NDC1: variants seen among roughly 807,000 people sequenced by gnomAD.
NDC1 encodes NDC1 transmembrane nucleoporin, also known as nucleoporin NDC1.
In NDC1, 24 loss-of-function variants were observed where a neutral mutation model predicts 89.8. The ratio of observed to expected loss-of-function variants is 0.27; its 90% confidence interval spans 0.19 to 0.38. The LOEUF (loss-of-function observed/expected upper bound fraction) is 0.38, where lower values mean the gene tolerates loss of function less well. Among genes scored for constraint, NDC1 ranks in the 10% least tolerant of loss-of-function variants. The pLI is 1.00. For missense variants in NDC1, 728 were observed against 797.6 expected (o/e 0.91, Z 1.05); for synonymous variants, 296 against 284.8 (o/e 1.04, Z -0.39).
At chr1:53,792,136 G>A (rs984174101) in intron 14 of NDC1, among the ~76,000 whole-genome samples, 11 of 152,018 alleles carry the variant, frequency 7.2e-5, no homozygotes, top group African/African-American at 2.4e-4. Flanking sequence ...TAGAGACAGG[G>A]TTTCACCGTG....
intron 14 of NDC1, among the ~76,000 whole-genome samples, chr1:53,792,488 A>G (rs1647553318): frequency 6.6e-6 from 1 of 152,248 alleles, no homozygotes; most frequent in Non-Finnish European, 1.5e-5. Context: ...CCACCAGAGT[A>G]TGACTCCGAA....
At chr1:53,804,444 T>C (rs886924394) in intron 9 of NDC1, among the ~76,000 whole-genome samples, 1 of 152,168 alleles carries the variant, frequency 6.6e-6, no homozygotes, top group Non-Finnish European at 1.5e-5. Flanking sequence ...TGCTACCATA[T>C]CCAAAGGCAG....
chr1:53,800,311 C>G (rs1047585533), intron 11 of NDC1, among the ~76,000 whole-genome samples: 1 of 149,938 alleles, frequency 6.7e-6, no homozygotes, highest in Non-Finnish European at 1.5e-5. Flanking sequence ...ATATAAGTAT[C>G]CTTCAATTAA....
At chr1:53,785,801 C>T (rs984729036) in intron 16 of NDC1, among the ~76,000 whole-genome samples, 1 of 152,132 alleles carries the variant, frequency 6.6e-6, no homozygotes, top group South Asian at 2.1e-4. Flanking sequence ...CTCTTCATAT[C>T]TTAAATGGTT....
chr1:53,767,863 G>T lies in NDC1; in HGVS notation c.*107C>A. The T allele has an allele frequency of 1.9e-6, 1 of 536,960 alleles. No homozygotes were observed. The highest frequency in any genetic ancestry group is 3.2e-6 in the Non-Finnish European group (1 of 313,952). 33.3% of individuals were successfully genotyped at this position (536,960 alleles called of 1,614,324 possible). A position where few individuals can be genotyped will look rare whatever the true frequency, so the allele number is the denominator to read the frequency against. On this transcript the variant is annotated 3_prime_UTR_variant, in exon 18 of 18. Coordinates refer to ENST00000371429, the MANE Select transcript of NDC1 (RefSeq NM_018087.5). ...TTTTCAAAGCAACCACCACGACAAAGGAAGCATCTAATTAGTCCGTTTTCT... is the reference window on the plus strand; with the variant it reads ...TTTTCAAAGCAACCACCACGACAAATGAAGCATCTAATTAGTCCGTTTTCT...
chr1:53,826,070 T>C (rs1329341271), intron 4 of NDC1, 134 bp from the exon 5 acceptor site: 15 of 823,004 alleles, frequency 1.8e-5, no homozygotes, highest in Non-Finnish European at 2.7e-5. Context: ...ACAAGATGGC[T>C]CGTTTTCAGT....
In NDC1 at chr1:53,796,747, C is replaced by A; in HGVS notation, c.1526G>T (p.Gly509Val). 1 of 1,611,876 alleles carries A rather than the reference C, an allele frequency of 6.2e-7. No individual in the cohort carries two copies. Among genetic ancestry groups the A allele is most frequent in the Non-Finnish European group, 8.5e-7 (1 of 1,179,352 alleles). ...PSPSTSISAE[G>V]KTMRQPSVIY... is the part of the protein sequence containing the mutation. ...CACACTGGGTTGTCTCATTGTCTTACCCTCAGCACTAATAGAGGTAGATGG... is the reference window on the plus strand; with the variant it reads ...CACACTGGGTTGTCTCATTGTCTTAACCTCAGCACTAATAGAGGTAGATGG... The change falls in exon 13 of 18, where the codon GGT (glycine) becomes GTT (valine). Residue 509 changes from glycine to valine, a missense_variant. Gly to Val is a moderately radical substitution (Grantham distance 109). Transcript: ENST00000371429.
At chr1:53,815,708 G>T (rs1648453854) in intron 6 of NDC1, among the ~76,000 whole-genome samples, 1 of 152,012 alleles carries the variant, frequency 6.6e-6, no homozygotes, top group Non-Finnish European at 1.5e-5. Context: ...AAACCCTAAG[G>T]GCTCCTCCAG....
intron 14 of NDC1, among the ~76,000 whole-genome samples, chr1:53,791,121 T>C (rs1647484006): frequency 1.3e-5 from 2 of 152,218 alleles, no homozygotes; most frequent in African/African-American, 2.4e-5. Context: ...TATACGTAAG[T>C]AAGAACGTGC....
At chr1:53,835,008 G>A (rs1649183980) in intron 2 of NDC1, among the ~76,000 whole-genome samples, 1 of 139,330 alleles carries the variant, frequency 7.2e-6, no homozygotes, top group Non-Finnish European at 1.5e-5. Context: ...GCTTGAAGAT[G>A]GGAAGCAGAG....
At chr1:53,803,343 AG>A (rs1274818763) in intron 10 of NDC1, among the ~76,000 whole-genome samples, 1 of 152,202 alleles carries the variant, frequency 6.6e-6, no homozygotes, top group Non-Finnish European at 1.5e-5. Context: ...CTAGGATTAC[AG>A]GGGTGAGCCA....
intron 6 of NDC1, among the ~76,000 whole-genome samples, chr1:53,811,168 G>T (rs887152897): frequency 1.3e-5 from 2 of 152,330 alleles, no homozygotes; most frequent in East Asian, 3.9e-4. Context: ...GCACCACAGG[G>T]ATCCATCAGA....
intron 6 of NDC1, among the ~76,000 whole-genome samples, chr1:53,810,182 G>A (rs1023666299): frequency 6.6e-6 from 1 of 152,168 alleles, no homozygotes; most frequent in Non-Finnish European, 1.5e-5. Flanking sequence ...TACAGACACA[G>A]ACAGCAAAGC....
intron 16 of NDC1, among the ~76,000 whole-genome samples, chr1:53,773,916 A>G (rs960825069): frequency 1.3e-5 from 2 of 152,156 alleles, no homozygotes; most frequent in African/African-American, 4.8e-5. Context: ...CTAGGGATCT[A>G]ACTAATTTTC....
Position 53,828,356 on chromosome 1 carries a change from C to T in NDC1, c.281-183G>A, listed in dbSNP as rs977488857. On this transcript the variant is annotated intron_variant, in intron 3 of 17. Coordinates refer to ENST00000371429, the MANE Select transcript of NDC1 (RefSeq NM_018087.5). ...CTAAGTTAAAAAAATTTGAGGAAAGCATGAATAAACAGACACAAAAAAACC... is the reference window on the plus strand; with the variant it reads ...CTAAGTTAAAAAAATTTGAGGAAAGTATGAATAAACAGACACAAAAAAACC... Among the ~76,000 whole-genome samples, 9 of 152,102 alleles carry T rather than the reference C, an allele frequency of 5.9e-5. 1 individual carries two copies. The highest frequency in any genetic ancestry group is 1.9e-4 in the African/African-American group (8 of 41,492).
Position 53,814,541 on chromosome 1 carries a change from T to C in NDC1, c.703+4430A>G, listed in dbSNP as rs191845995. Among the ~76,000 whole-genome samples the C allele has an allele frequency of 4.6e-3, 692 of 151,604 alleles. 4 individuals carry two copies. The highest frequency in any genetic ancestry group is 0.015 in the African/African-American group (638 of 41,292). On this transcript the variant is annotated intron_variant, in intron 6 of 17. Coordinates refer to ENST00000371429, the MANE Select transcript of NDC1 (RefSeq NM_018087.5). ...ATTCTAAGGTCACACCTCAAGGAAC[T>C]AGAGAAATAACAAATCAAACCCAAA...
At chr1:53,797,200 G>GC in intron 11 of NDC1, 56 bp from the exon 12 acceptor site, 7 of 1,568,248 alleles carry the variant, frequency 4.5e-6, no homozygotes, top group Non-Finnish European at 6.1e-6. Flanking sequence ...CAGGCTAGCA[G>GC]CAACGCTTTC....
chr1:53,788,432 AT>A (rs549869100), intron 15 of NDC1, among the ~76,000 whole-genome samples: 9 of 148,576 alleles, frequency 6.1e-5, no homozygotes, highest in African/African-American at 1.5e-4. Flanking sequence ...CAAAAAAAAA[AT>A]TTTTTTTTTT....
chr1:53,809,190 T>C (rs1173431029), intron 7 of NDC1, among the ~76,000 whole-genome samples: 3 of 152,182 alleles, frequency 2.0e-5, no homozygotes, highest in African/African-American at 7.2e-5. Context: ...AAGGAATGAT[T>C]GTTGGGGAGA....
Sources: allele counts gnomAD v4.1 joint callset (sites outside exome capture counted in the v4.1 genomes callset), GRCh38; gene constraint gnomAD v4.1.1; transcripts MANE v1.5; gene names NCBI Gene and HGNC (gene_info 2026-07-23, HGNC 2026-07-21).